CSTF3: variants seen among roughly 807,000 people sequenced by gnomAD.
CSTF3 encodes the protein cleavage stimulation factor subunit 3.
A neutral mutation model predicts 105.8 loss-of-function variants in CSTF3; 29 were observed. The observed-to-expected ratio is 0.27, with a 90% confidence interval of 0.20 to 0.37. The LOEUF (loss-of-function observed/expected upper bound fraction) is 0.37. Ranked by LOEUF, CSTF3 falls within the 10% of genes least tolerant of loss-of-function variation. CSTF3 has a pLI of 1.00. For synonymous variants in CSTF3, 252 were observed against 281.9 expected, an observed-to-expected ratio of 0.89 and a Z score of 1.06; for missense variants, 357 against 879.3, an observed-to-expected ratio of 0.41 and a Z score of 7.51.
chr11:33,094,323 C>T (rs575985640), intron 15 of CSTF3, among the ~76,000 whole-genome samples: 1 of 152,242 alleles, frequency 6.6e-6, no homozygotes, highest in South Asian at 2.1e-4. Flanking sequence ...TACACCTAAC[C>T]TCAGAACTAT....
chr11:33,122,903 A>G (rs530025314), intron 3 of CSTF3, among the ~76,000 whole-genome samples: 1 of 134,560 alleles, frequency 7.4e-6, no homozygotes, highest in South Asian at 2.6e-4. Context: ...CAACACAGTG[A>G]TATCCTGTCT....
At chr11:33,117,784 G>C (rs1281993610) in intron 3 of CSTF3, among the ~76,000 whole-genome samples, 1 of 151,784 alleles carries the variant, frequency 6.6e-6, no homozygotes, top group African/African-American at 2.4e-5. Flanking sequence ...CTAAACAATG[G>C]GATGAGATAT....
chr11:33,132,831 G>A (rs2474868), intron 3 of CSTF3, among the ~76,000 whole-genome samples: 83,102 of 151,982 alleles, frequency 0.55, 25,219 homozygotes, highest in Non-Finnish European at 0.68. Flanking sequence ...TTTACAAAGC[G>A]AAAGATGGCA....
intron 3 of CSTF3, among the ~76,000 whole-genome samples, chr11:33,132,265 T>C (rs536917572): frequency 1.3e-5 from 2 of 152,168 alleles, no homozygotes; most frequent in South Asian, 4.1e-4. Flanking sequence ...CTACCAAATA[T>C]GATCAGACCA....
intron 3 of CSTF3, among the ~76,000 whole-genome samples, chr11:33,137,596 T>G (rs556425352): frequency 3.4e-4 from 51 of 152,022 alleles, no homozygotes; most frequent in African/African-American, 1.2e-3. Context: ...CAGTTCTGTT[T>G]ACAAGTACTT....
intron 1 of CSTF3, among the ~76,000 whole-genome samples, chr11:33,143,299 G>A (rs1486229652): frequency 6.6e-6 from 1 of 152,000 alleles, no homozygotes; most frequent in Non-Finnish European, 1.5e-5. Context: ...CTTTGGTAAG[G>A]TAGTTTTACT....
At chr11:33,117,512 T>C (rs1460550708) in intron 3 of CSTF3, among the ~76,000 whole-genome samples, 1 of 152,044 alleles carries the variant, frequency 6.6e-6, no homozygotes, top group African/African-American at 2.4e-5. Context: ...AGATTTTATA[T>C]GTATTAACTC....
At chr11:33,114,846 C>G (rs1049899597) in intron 3 of CSTF3, among the ~76,000 whole-genome samples, 1 of 151,124 alleles carries the variant, frequency 6.6e-6, no homozygotes, top group Non-Finnish European at 1.5e-5. Flanking sequence ...GAAACTCTGT[C>G]TCAAAAAAAA....
At chr11:33,122,202 C>A (rs543981229) in intron 3 of CSTF3, among the ~76,000 whole-genome samples, 1 of 152,228 alleles carries the variant, frequency 6.6e-6, no homozygotes, top group Non-Finnish European at 1.5e-5. Context: ...AATTAGCTCA[C>A]CAATGGGAAA....
intron 1 of CSTF3, among the ~76,000 whole-genome samples, chr11:33,149,997 C>T (rs986907749): frequency 2.0e-5 from 3 of 151,728 alleles, no homozygotes; most frequent in Non-Finnish European, 2.9e-5. Context: ...GCAGCCTGGG[C>T]GACAGAGCCA....
intron 17 of CSTF3, among the ~76,000 whole-genome samples, chr11:33,089,568 A>G (rs796196689): frequency 1.1e-4 from 16 of 152,346 alleles, no homozygotes; most frequent in African/African-American, 3.6e-4. Context: ...TAAAACTAGA[A>G]GCAGAAACTA....
At chr11:33,129,034 T>C (rs1234177007) in intron 3 of CSTF3, among the ~76,000 whole-genome samples, 2 of 152,212 alleles carry the variant, frequency 1.3e-5, no homozygotes, top group Non-Finnish European at 2.9e-5. Flanking sequence ...TAATAAATTT[T>C]AGAAGCAATT....
intron 3 of CSTF3, among the ~76,000 whole-genome samples, chr11:33,129,611 A>T (rs1474516712): frequency 6.6e-6 from 1 of 152,208 alleles, no homozygotes; most frequent in Non-Finnish European, 1.5e-5. Flanking sequence ...TCATTCTACT[A>T]AAAGGCCACA....
chr11:33,150,033 C>CAAA (rs772289477), intron 1 of CSTF3, among the ~76,000 whole-genome samples: 6 of 93,462 alleles, frequency 6.4e-5, no homozygotes, highest in African/African-American at 1.4e-4. Context: ...ACAAAACAAA[C>CAAA]AAACAACAAC....
intron 3 of CSTF3, among the ~76,000 whole-genome samples, chr11:33,123,654 T>G (rs1855515192): frequency 6.6e-6 from 1 of 152,112 alleles, no homozygotes; most frequent in Non-Finnish European, 1.5e-5. Context: ...GAATATTATG[T>G]ACTTGTAGAA....
chr11:33,156,887 A>C, intron 1 of CSTF3: 1 of 310,390 alleles, frequency 3.2e-6, no homozygotes, highest in East Asian at 9.3e-5. Context: ...TCAAAATATT[A>C]TTTCTTAGGT....
intron 15 of CSTF3, among the ~76,000 whole-genome samples, chr11:33,095,242 T>C (rs1330719631): frequency 4.6e-5 from 7 of 152,174 alleles, no homozygotes; most frequent in Non-Finnish European, 7.3e-5. Context: ...AGGGTCTTGC[T>C]CTGTCATCCA....
At chr11:33,147,301 AAAAG>A (rs1174130301) in intron 1 of CSTF3, among the ~76,000 whole-genome samples, 12 of 151,708 alleles carry the variant, frequency 7.9e-5, no homozygotes, top group African/African-American at 2.4e-4. Flanking sequence ...TCTCTAAAAA[AAAAG>A]AAAGAAAGAG....
intron 1 of CSTF3, 110 bp downstream of exon 1, chr11:33,161,189 C>T: frequency 1.7e-6 from 2 of 1,194,328 alleles, no homozygotes; most frequent in East Asian, 2.4e-5. Flanking sequence ...TACCCTGTCC[C>T]CCGGGTTCAC....
Sources: gnomAD v4.1 joint callset for allele counts (sites outside exome capture counted in the v4.1 genomes callset) on GRCh38, gnomAD v4.1.1 for gene constraint, MANE v1.5 for transcripts, NCBI Gene and HGNC (gene_info 2026-07-23, HGNC 2026-07-21) for gene names.